XKR6: variants seen among roughly 807,000 people sequenced by gnomAD.
XKR6 encodes XK-related protein 6.
In XKR6, 22 loss-of-function variants were observed where a neutral mutation model predicts 56.7. The observed-to-expected ratio is 0.39, with a 90% CI of 0.28 to 0.55. The LOEUF (loss-of-function observed/expected upper bound fraction) is 0.55, where lower values mean the gene tolerates loss of function less well. XKR6 is among the 20% of genes least tolerant of loss of function. The probability of loss-of-function intolerance (pLI) is 0.66; values close to 1 mark genes in which losing one functional copy is unlikely to be tolerated. For missense variants in XKR6, 852 were observed against 889.0 expected (o/e 0.96, Z 0.53); for synonymous variants, 524 against 387.8 (o/e 1.35, Z -4.13).
chr8:11,045,401 A>G (rs1799387745), intron 1 of XKR6, among the ~76,000 whole-genome samples: 1 of 152,094 alleles, frequency 6.6e-6, no homozygotes, highest in Admixed American at 6.5e-5. Context: ...AGCCACTCTT[A>G]AAGATATTAA....
chr8:10,914,319 G>A (rs1030374601), intron 2 of XKR6, among the ~76,000 whole-genome samples: 2 of 152,152 alleles, frequency 1.3e-5, no homozygotes, highest in Non-Finnish European at 2.9e-5. Context: ...TACTGGGGAT[G>A]AGTAGTGCAT....
chr8:11,111,191 G>C (rs1586558825), intron 1 of XKR6, among the ~76,000 whole-genome samples: 1 of 151,922 alleles, frequency 6.6e-6, no homozygotes, highest in Non-Finnish European at 1.5e-5. Flanking sequence ...AGCTTTCCTG[G>C]AGATTAAAGT....
intron 1 of XKR6, among the ~76,000 whole-genome samples, chr8:11,113,402 C>T (rs1396154020): frequency 1.3e-5 from 2 of 151,988 alleles, no homozygotes; most frequent in African/African-American, 4.8e-5. Context: ...AAAAGTTTTA[C>T]TAAAATGTAA....
chr8:10,997,047 CAT>C (rs1490497728), intron 1 of XKR6, among the ~76,000 whole-genome samples: 3 of 152,230 alleles, frequency 2.0e-5, no homozygotes, highest in Non-Finnish European at 4.4e-5. Context: ...AACACACACA[CAT>C]GTACGCCACA....
Position 10,897,849 on chromosome 8 carries a change from C to T in XKR6, c.*103G>A, listed in dbSNP as rs779981651. On this transcript the variant is annotated 3_prime_UTR_variant, in exon 3 of 3. Coordinates refer to ENST00000416569, the MANE Select transcript of XKR6 (RefSeq NM_173683.4). ...GGTGTGGCGGTGTTGGTGGTGGTGGCGGTGGTTCTGTGTATTGGGGGAAGG... is the reference window on the plus strand; with the variant it reads ...GGTGTGGCGGTGTTGGTGGTGGTGGTGGTGGTTCTGTGTATTGGGGGAAGG... 1.5e-4 allele frequency: 205 copies of T among 1,411,730 alleles called. No individual in the cohort carries two copies. The highest frequency in any genetic ancestry group is 1.7e-4 in the South Asian group (11 of 64,042). The allele number at this position is 1,411,730 out of a possible 1,614,324, so 87.5% of individuals were successfully genotyped here.
intron 1 of XKR6, among the ~76,000 whole-genome samples, chr8:11,184,385 A>G (rs1042961483): frequency 6.3e-5 from 7 of 111,966 alleles, no homozygotes; most frequent in Non-Finnish European, 1.3e-4. Flanking sequence ...ATATATACAC[A>G]CATACACACA....
At chr8:11,048,302 C>A (rs1398053803) in intron 1 of XKR6, among the ~76,000 whole-genome samples, 5 of 152,092 alleles carry the variant, frequency 3.3e-5, no homozygotes, top group African/African-American at 1.2e-4. Flanking sequence ...AAACATCAAG[C>A]TGTTTAGGGC....
intron 1 of XKR6, among the ~76,000 whole-genome samples, chr8:10,967,857 C>T (rs1802274076): frequency 6.6e-6 from 1 of 152,190 alleles, no homozygotes; most frequent in African/African-American, 2.4e-5. Flanking sequence ...CCACTGAAGT[C>T]AGAGAGCTCA....
chr8:11,008,133 T>G (rs907403943), intron 1 of XKR6, among the ~76,000 whole-genome samples: 2 of 152,168 alleles, frequency 1.3e-5, no homozygotes, highest in Non-Finnish European at 2.9e-5. Flanking sequence ...TTCCTTTTAC[T>G]CTCACGATGC....
intron 1 of XKR6, among the ~76,000 whole-genome samples, chr8:10,991,640 G>C (rs1022588562): frequency 5.9e-5 from 9 of 152,162 alleles, no homozygotes; most frequent in African/African-American, 2.2e-4. Context: ...TTTAAGCAGG[G>C]TTTTCTGTGG....
At chr8:10,997,069 A>T (rs1407072866) in intron 1 of XKR6, among the ~76,000 whole-genome samples, 1 of 152,118 alleles carries the variant, frequency 6.6e-6, no homozygotes, top group African/African-American at 2.4e-5. Flanking sequence ...AACCTTTCTC[A>T]TCGTCTGCAC....
intron 1 of XKR6, among the ~76,000 whole-genome samples, chr8:11,011,676 G>T (rs1464090163): frequency 6.6e-6 from 1 of 152,196 alleles, no homozygotes; most frequent in African/African-American, 2.4e-5. Context: ...GCAGGGAAAG[G>T]GACAGGGAAT....
At chr8:10,982,487 T>C (rs983385193) in intron 1 of XKR6, among the ~76,000 whole-genome samples, 1 of 152,172 alleles carries the variant, frequency 6.6e-6, no homozygotes, top group African/African-American at 2.4e-5. Context: ...TTCTCTACAG[T>C]CTGTACCTGG....
intron 1 of XKR6, among the ~76,000 whole-genome samples, chr8:10,960,854 G>A (rs1029187492): frequency 5.3e-5 from 8 of 152,212 alleles, no homozygotes; most frequent in East Asian, 1.9e-4. Flanking sequence ...TTGGGAGATC[G>A]CTTGCATTCC....
At chr8:10,955,964 C>G (rs6982751) in intron 1 of XKR6, among the ~76,000 whole-genome samples, 28,752 of 152,118 alleles carry the variant, frequency 0.19, 3,851 homozygotes, top group African/African-American at 0.38. Context: ...AGTGGCTGCT[C>G]GGTGAGAGGG....
At chr8:11,082,664 C>T (rs1216712570) in intron 1 of XKR6, among the ~76,000 whole-genome samples, 1 of 152,252 alleles carries the variant, frequency 6.6e-6, no homozygotes, top group Non-Finnish European at 1.5e-5. Flanking sequence ...GTCCCAACAG[C>T]AGTCCCCAAA....
Position 10,898,606 on chromosome 8 carries a change from G to A in XKR6, c.1272C>T (p.Ile424=), listed in dbSNP as rs759258980. 4.3e-6 allele frequency: 7 copies of A among 1,614,094 alleles called. No homozygotes were observed. The highest frequency in any genetic ancestry group is 1.1e-5 in the South Asian group (1 of 91,066). ...CGTTAAACCAGCAGAAAATGTACAC[G>A]ATCCCTACCACCATGTTGAAGAGGA... ...EEILFNMVVG[I]VYIFCWFNVK... is the part of the protein sequence containing the mutation. Residue 424 remains isoleucine, a synonymous_variant, in exon 3 of 3, where the codon ATC becomes ATT. Transcript: ENST00000416569. This position sits in a 1 kb window ranked among gnomAD's most constrained non-coding sequence, Gnocchi z 6.6.
chr8:11,140,513 C>G (rs887146169), intron 1 of XKR6, among the ~76,000 whole-genome samples: 2 of 152,268 alleles, frequency 1.3e-5, no homozygotes, highest in African/African-American at 4.8e-5. Context: ...AAAGAAAATA[C>G]AAGCCAATAA....
intron 1 of XKR6, among the ~76,000 whole-genome samples, chr8:11,012,845 A>G (rs542844771): frequency 1.7e-3 from 256 of 152,310 alleles, no homozygotes; most frequent in Middle Eastern, 3.4e-3. Flanking sequence ...TAATAAATGC[A>G]ACTCCATTCT....
Sources: allele counts gnomAD v4.1 joint callset (sites outside exome capture counted in the v4.1 genomes callset), GRCh38; gene constraint gnomAD v4.1.1; non-coding constraint Gnocchi (gnomAD v3.1); transcripts MANE v1.5; gene names NCBI Gene and HGNC (gene_info 2026-07-23, HGNC 2026-07-21).